Variants in ARFGAP2 observed in about 807,000 individuals in gnomAD.
ARFGAP2 encodes the protein ARF GTPase activating protein 2.
Under a neutral mutation model 71.9 loss-of-function variants are expected in ARFGAP2, and 45 were observed. The observed-to-expected ratio is 0.63, with a 90% CI of 0.49 to 0.80. The LOEUF is 0.80. Ranked by LOEUF, ARFGAP2 falls within the 30% of genes least tolerant of loss-of-function variation. The probability of loss-of-function intolerance (pLI) is 0.00; values close to 1 mark genes in which losing one functional copy is unlikely to be tolerated. For missense variants in ARFGAP2, 633 were observed against 673.9 expected, an observed-to-expected ratio of 0.94 and a Z score of 0.67; for synonymous variants, 248 against 249.2, an observed-to-expected ratio of 1.00 and a Z score of 0.05.
intron 2 of ARFGAP2, 180 bp from the exon 3 acceptor site, chr11:47,176,103 C>A: frequency 1.6e-6 from 1 of 636,780 alleles, no homozygotes. Flanking sequence ...TCATTTACTC[C>A]AAAGAGTACT....
rs987639685 is a variant in ARFGAP2, at chr11:47,175,483, A to G, written c.265-170T>C. 8.8e-5 allele frequency: 94 copies of G among 1,064,160 alleles called. 1 individual carries two copies. The highest frequency in any genetic ancestry group is 1.2e-4 in the Non-Finnish European group (84 of 721,292). 65.9% of individuals were successfully genotyped at this position (1,064,160 alleles called of 1,614,324 possible). On this transcript the variant is annotated intron_variant, in intron 3 of 15. Transcript: ENST00000524782. ...AAAGTTTCTCGAAATTCCTGCAAAA[A>G]ACACCTTGCAGCGGGCCATCCTCTG...
chr11:47,172,394 T>TATACACC, intron 7 of ARFGAP2, 61 bp from the exon 8 acceptor site: 7 of 1,563,772 alleles, frequency 4.5e-6, no homozygotes, highest in Non-Finnish European at 6.2e-6. Flanking sequence ...AGTAGCTCAG[T>TATACACC]ATACACCATG....
At chr11:47,167,870 A>AC (rs776204451) in intron 12 of ARFGAP2, 39 bp downstream of exon 12, 1 of 1,522,234 alleles carries the variant, frequency 6.6e-7, no homozygotes, top group Non-Finnish European at 8.8e-7. Context: ...TTGTTTAAAA[A>AC]AAAAAAAGAA....
chr11:47,175,055 G>A lies in ARFGAP2; in HGVS notation c.440C>T (p.Pro147Leu), dbSNP rs1384915858. 1 of 1,614,176 alleles carries A rather than the reference G, an allele frequency of 6.2e-7. No individual in the cohort carries two copies. Residue 147 changes from proline to leucine, a missense_variant, in exon 5 of 16, where the codon CCA becomes CTA. Pro to Leu is a moderately conservative substitution (Grantham distance 98). Coordinates refer to ENST00000524782, the MANE Select transcript of ARFGAP2 (RefSeq NM_032389.6). Reference sequence around the variant, plus strand: ...GAAGAAATCAGAGTCCTTCTTCTCTGGGGAGTGATTAGGAACGGCACTACT... The same window carrying A: ...GAAGAAATCAGAGTCCTTCTTCTCTAGGGAGTGATTAGGAACGGCACTACT... The part of the protein sequence containing the change: ...NMSSAVPNHS[P>L]EKKDSDFFTE...
intron 12 of ARFGAP2, among the ~76,000 whole-genome samples, 169 bp from the exon 13 acceptor site, chr11:47,167,055 T>C (rs549167359): frequency 1.3e-5 from 2 of 152,196 alleles, no homozygotes; most frequent in South Asian, 4.1e-4. Context: ...GAGTCACCCT[T>C]CTCCACATTG....
Position 47,171,698 on chromosome 11 carries a change from C to T in ARFGAP2, c.775G>A (p.Ala259Thr), listed in dbSNP as rs780788328. ...TCCGCCTGCTTCTTGGCATCGGCTG[C>T]CTGCTGCTCACGGAGCTTCTCTGCC... ...QVAEKLREQQ[A>T]ADAKKQAEES... Residue 259 changes from alanine (A) to threonine (T), a missense_variant, in exon 9 of 16, where the codon GCA (alanine) becomes ACA (threonine). Physicochemically the swap from Ala to Thr is moderately conservative, Grantham distance 58 (BLOSUM62 0). Coordinates refer to ENST00000524782, the MANE Select transcript of ARFGAP2 (RefSeq NM_032389.6). 4 of 1,613,816 alleles carry T rather than the reference C, an allele frequency of 2.5e-6. No individual in the cohort carries two copies. The highest frequency in any genetic ancestry group is 3.4e-6 in the Non-Finnish European group (4 of 1,180,040).
chr11:47,173,529 C>A (rs185160754), intron 6 of ARFGAP2, 47 bp from the exon 7 acceptor site: 6 of 1,519,098 alleles, frequency 3.9e-6, no homozygotes, highest in Middle Eastern at 2.4e-4. Flanking sequence ...TAGCTTCCTG[C>A]AACCTCCCCT....
intron 14 of ARFGAP2, 57 bp downstream of exon 14, chr11:47,166,449 C>A: frequency 6.2e-7 from 1 of 1,610,828 alleles, no homozygotes; most frequent in Non-Finnish European, 8.5e-7. Flanking sequence ...CACAGCAGGG[C>A]CCTCCCGCCC....
chr11:47,166,535 A>T lies in ARFGAP2; in HGVS notation c.1397T>A (p.Phe466Tyr), dbSNP rs751428202. ...TCCGTGAGCTCCATCCATGTCCCCA[A>T]AGAGGTCTGAAGAGCTGATGGCACT... Reference protein sequence around the residue: ...GSSAISSSDLFGDMDGAHGAG... With the variant: ...GSSAISSSDLYGDMDGAHGAG... The change falls in exon 14 of 16, where the codon TTT becomes TAT. Residue 466 changes from phenylalanine (F) to tyrosine (Y), a missense_variant. Transcript: ENST00000524782. The T allele has an allele frequency of 2.9e-5, 47 of 1,612,386 alleles. No homozygotes were observed. The highest frequency in any genetic ancestry group is 4.0e-5 in the Non-Finnish European group (47 of 1,180,020).
intron 5 of ARFGAP2, 185 bp downstream of exon 5, chr11:47,174,830 T>G: frequency 1.5e-6 from 1 of 673,288 alleles, no homozygotes; most frequent in Non-Finnish European, 2.6e-6. Flanking sequence ...AGGGCTACAC[T>G]GCACCTCCAT....
intron 6 of ARFGAP2, 68 bp downstream of exon 6, chr11:47,173,691 G>A (rs1481664845): frequency 5.2e-6 from 8 of 1,526,098 alleles, no homozygotes; most frequent in Non-Finnish European, 6.2e-6. Flanking sequence ...ATGGCCAGAT[G>A]TCCCCTTCCA....
Position 47,172,975 on chromosome 11 carries a change from A to T in ARFGAP2, c.619+451T>A. 3 of 359,276 alleles carry T rather than the reference A, an allele frequency of 8.4e-6. 1 individual carries two copies. The highest frequency in any genetic ancestry group is 6.5e-5 in the South Asian group (3 of 46,214). The allele number at this position is 359,276 out of a possible 1,614,324, so 22.3% of individuals were successfully genotyped here. A position where few individuals can be genotyped will look rare whatever the true frequency, so the allele number is the denominator to read the frequency against. On this transcript the variant is annotated intron_variant, in intron 7 of 15. Transcript: ENST00000524782. ...GACTGTTCGCCCTGAACCAAGTCTGAAAGACACTAAGGAAAATGTAGGAAA... is the reference window on the plus strand; with the variant it reads ...GACTGTTCGCCCTGAACCAAGTCTGTAAGACACTAAGGAAAATGTAGGAAA...
Position 47,164,303 on chromosome 11 carries a change from C to T in ARFGAP2, c.*1179G>A, listed in dbSNP as rs1232674500. On this transcript the variant is annotated 3_prime_UTR_variant, in exon 16 of 16. Coordinates refer to ENST00000524782, the MANE Select transcript of ARFGAP2 (RefSeq NM_032389.6). ...AGGCAGGATCCAGAGGACACTGCTT[C>T]ACTCAGACCAACAGGGAGCCAGGCC... is the stretch of plus-strand genomic sequence containing the variant. The T allele has an allele frequency of 6.5e-7, 1 of 1,543,762 alleles. No individual in the cohort carries two copies. The highest frequency in any genetic ancestry group is 1.4e-5 in the African/African-American group (1 of 72,390).
At chr11:47,172,219 T>C in intron 8 of ARFGAP2, 62 bp downstream of exon 8, 3 of 1,540,292 alleles carry the variant, frequency 1.9e-6, no homozygotes, top group Non-Finnish European at 1.8e-6. Flanking sequence ...GGTCAAGGAG[T>C]GAACCCAGGT....
At chr11:47,171,291 T>C in intron 10 of ARFGAP2, 135 bp downstream of exon 10, 1 of 1,423,982 alleles carries the variant, frequency 7.0e-7, no homozygotes, top group Non-Finnish European at 9.5e-7. Flanking sequence ...ATTAGGGACT[T>C]TAGAACAATA....
chr11:47,176,366 T>A lies in ARFGAP2; in HGVS notation c.191+150A>T, dbSNP rs187277615. 14 of 746,966 alleles carry A rather than the reference T, an allele frequency of 1.9e-5. No homozygotes were observed. The East Asian group carries it at 3.3e-4, about 18-fold the overall frequency. 46.3% of individuals were successfully genotyped at this position (746,966 alleles called of 1,614,324 possible). On this transcript the variant is annotated intron_variant, in intron 2 of 15. Transcript: ENST00000524782. Reference sequence around the variant, plus strand: ...TGTGCCAAAGGGCCCACACAGGTGGTTCCCTCTGGCAGGAGGCTACCGGAC... The same window carrying A: ...TGTGCCAAAGGGCCCACACAGGTGGATCCCTCTGGCAGGAGGCTACCGGAC...
intron 10 of ARFGAP2, among the ~76,000 whole-genome samples, chr11:47,169,126 A>G (rs958567084): frequency 5.3e-5 from 8 of 151,714 alleles, no homozygotes; most frequent in African/African-American, 1.9e-4. Flanking sequence ...ATCCTGGCTA[A>G]CATGGTGAAA....
Position 47,176,653 on chromosome 11 carries a change from G to T in ARFGAP2, c.73-19C>A, listed in dbSNP as rs769400659. ...AACAGGCCTGGGTGGAGGCGGCGATGAGCGAATCGTCAGGGGCCCCGAGTA... is the reference window on the plus strand; with the variant it reads ...AACAGGCCTGGGTGGAGGCGGCGATTAGCGAATCGTCAGGGGCCCCGAGTA... On this transcript the variant is annotated intron_variant, in intron 1 of 15. Coordinates refer to ENST00000524782, the MANE Select transcript of ARFGAP2 (RefSeq NM_032389.6). 6.2e-7 allele frequency: 1 copy of T among 1,613,666 alleles called. No homozygotes were observed. Among genetic ancestry groups the T allele is most frequent in the Non-Finnish European group, 8.5e-7 (1 of 1,179,758 alleles).
rs1354545758 is a variant in ARFGAP2, at chr11:47,166,887, C to G, written c.1206-1G>C. ...CTCCACTTCCCTCCGGTTTGTGGCT[C>G]TGAGGGGAAGATGTGGAATATCTCG... On this transcript the variant is annotated splice_acceptor_variant, in intron 12 of 15. Coordinates refer to ENST00000524782, the MANE Select transcript of ARFGAP2 (RefSeq NM_032389.6). LOFTEE classifies it high-confidence loss of function. 1.9e-6 allele frequency: 3 copies of G among 1,612,880 alleles called. No individual in the cohort carries two copies. Among genetic ancestry groups the G allele is most frequent in the Non-Finnish European group, 2.5e-6 (3 of 1,179,704 alleles).
Sources: allele counts gnomAD v4.1 joint callset (sites outside exome capture counted in the v4.1 genomes callset), GRCh38; gene constraint gnomAD v4.1.1; transcripts MANE v1.5; gene names NCBI Gene and HGNC (gene_info 2026-07-23, HGNC 2026-07-21).